The following NKAIN3 variants were observed in gnomAD, a reference collection of about 807,000 sequenced individuals.
The protein encoded by NKAIN3 is sodium/potassium transporting ATPase interacting 3.
In NKAIN3, 25 loss-of-function variants were observed where a neutral mutation model predicts 30.2. That is an observed-to-expected ratio of 0.83 (90% confidence interval 0.60 to 1.16). The LOEUF (loss-of-function observed/expected upper bound fraction) is 1.16, where lower values mean the gene tolerates loss of function less well. Among genes scored for constraint, NKAIN3 ranks in the 50% most tolerant of loss-of-function variants. The pLI, the probability that NKAIN3 is intolerant of heterozygous loss-of-function variation, is 0.00. For synonymous variants in NKAIN3, 91 were observed against 89.6 expected (o/e 1.02, Z -0.09); for missense variants, 225 against 254.1 (o/e 0.89, Z 0.78).
At chr8:62,298,480 G>A (rs1454159538) in intron 1 of NKAIN3, among the ~76,000 whole-genome samples, 3 of 152,042 alleles carry the variant, frequency 2.0e-5, no homozygotes, top group Non-Finnish European at 1.5e-5. Context: ...AAGATGGTAA[G>A]CCCCAGTCCA....
intron 3 of NKAIN3, among the ~76,000 whole-genome samples, chr8:62,592,347 T>A (rs1239480821): frequency 6.6e-6 from 1 of 152,070 alleles, no homozygotes; most frequent in African/African-American, 2.4e-5. Flanking sequence ...TTTAAAAAGA[T>A]CATTTTAATT....
At chr8:62,942,012 G>A (rs1485036414) in intron 5 of NKAIN3, among the ~76,000 whole-genome samples, 1 of 151,628 alleles carries the variant, frequency 6.6e-6, no homozygotes, top group Non-Finnish European at 1.5e-5. Flanking sequence ...ACCTAGAAAA[G>A]CCTACAGACT....
chr8:62,661,238 A>C (rs913250082), intron 3 of NKAIN3, among the ~76,000 whole-genome samples: 9 of 151,928 alleles, frequency 5.9e-5, no homozygotes, highest in Non-Finnish European at 1.3e-4. Flanking sequence ...TCCACCCTTC[A>C]CAATCGAGAG....
intron 4 of NKAIN3, among the ~76,000 whole-genome samples, chr8:62,817,641 C>T (rs531422669): frequency 6.6e-6 from 1 of 152,070 alleles, no homozygotes; most frequent in Non-Finnish European, 1.5e-5. Flanking sequence ...GTTCTATCCC[C>T]CCAGAACCTC....
intron 4 of NKAIN3, among the ~76,000 whole-genome samples, chr8:62,846,539 T>G (rs1293291184): frequency 6.6e-6 from 1 of 152,114 alleles, no homozygotes; most frequent in Non-Finnish European, 1.5e-5. Context: ...GACCATGTGT[T>G]CTCATCATTC....
intron 5 of NKAIN3, among the ~76,000 whole-genome samples, chr8:62,923,490 T>C (rs1822341150): frequency 6.6e-6 from 1 of 152,194 alleles, no homozygotes; most frequent in South Asian, 2.1e-4. Flanking sequence ...CACTTGCAAA[T>C]GTTTATGTGA....
At chr8:62,937,694 TG>T (rs931553649) in intron 5 of NKAIN3, among the ~76,000 whole-genome samples, 6 of 151,604 alleles carry the variant, frequency 4.0e-5, no homozygotes, top group African/African-American at 1.5e-4. Flanking sequence ...GAATCTGTAG[TG>T]GGGGGGCAAA....
At chr8:62,319,261 G>A (rs540414008) in intron 1 of NKAIN3, among the ~76,000 whole-genome samples, 59 of 151,984 alleles carry the variant, frequency 3.9e-4, no homozygotes, top group African/African-American at 9.7e-4. Flanking sequence ...TATCAATTTT[G>A]TTGATCTTTT....
At chr8:62,400,868 A>C (rs548371648) in intron 1 of NKAIN3, among the ~76,000 whole-genome samples, 1 of 152,208 alleles carries the variant, frequency 6.6e-6, no homozygotes, top group South Asian at 2.1e-4. Context: ...GGCCTTTGGC[A>C]GTTTCATTAT....
chr8:62,948,288 C>T (rs1181870121), intron 5 of NKAIN3, among the ~76,000 whole-genome samples: 1 of 151,960 alleles, frequency 6.6e-6, no homozygotes, highest in Non-Finnish European at 1.5e-5. Context: ...CAACCTCCTC[C>T]TCGAGGGTTC....
intron 4 of NKAIN3, among the ~76,000 whole-genome samples, chr8:62,766,708 T>C (rs1816850936): frequency 6.6e-6 from 1 of 152,062 alleles, no homozygotes. Context: ...TCCCTGGAGA[T>C]TTTCCCCTCA....
chr8:62,499,780 G>C (rs1275210419), intron 1 of NKAIN3, among the ~76,000 whole-genome samples: 1 of 151,970 alleles, frequency 6.6e-6, no homozygotes, highest in East Asian at 1.9e-4. Context: ...GATTAAAAAA[G>C]TACTGCAAAA....
intron 1 of NKAIN3, among the ~76,000 whole-genome samples, chr8:62,486,889 T>A (rs967605878): frequency 3.9e-5 from 6 of 152,128 alleles, no homozygotes; most frequent in Non-Finnish European, 8.8e-5. Flanking sequence ...TTGAAGCAGT[T>A]TGGGAAGTGT....
intron 3 of NKAIN3, among the ~76,000 whole-genome samples, chr8:62,732,136 A>G (rs911508014): frequency 2.6e-5 from 4 of 152,248 alleles, no homozygotes; most frequent in East Asian, 1.9e-4. Flanking sequence ...TTTTAAGAAT[A>G]TTGCACTTAT....
Position 62,611,299 on chromosome 8 carries a change from T to C in NKAIN3, c.273+21505T>C, listed in dbSNP as rs184534392. Reference sequence around the variant, plus strand: ...AGGTATCTATCTCCTTAAGCATTTATGCTTTGAGTTAAAAAAATCCAATTA... The same window carrying C: ...AGGTATCTATCTCCTTAAGCATTTACGCTTTGAGTTAAAAAAATCCAATTA... On this transcript the variant is annotated intron_variant, in intron 3 of 6. Coordinates refer to ENST00000623646, the MANE Select transcript of NKAIN3 (RefSeq NM_001304533.3). Among the ~76,000 whole-genome samples the C allele has an allele frequency of 9.1e-4, 138 of 152,268 alleles. 1 individual carries two copies. The highest frequency in any genetic ancestry group is 6.8e-3 in the Middle Eastern group (2 of 294).
chr8:62,426,009 TTTGA>T (rs1183130120), intron 1 of NKAIN3, among the ~76,000 whole-genome samples: 2 of 152,012 alleles, frequency 1.3e-5, no homozygotes, highest in African/African-American at 4.8e-5. Context: ...CTTTAATGGA[TTTGA>T]TTGATTGAAT....
At chr8:62,867,060 A>G (rs1382654844) in intron 4 of NKAIN3, among the ~76,000 whole-genome samples, 1 of 149,656 alleles carries the variant, frequency 6.7e-6, no homozygotes, top group Non-Finnish European at 1.5e-5. Context: ...GTCTTAAAAA[A>G]AAAAAAAAAT....
chr8:62,592,134 T>C (rs529562276), intron 3 of NKAIN3, among the ~76,000 whole-genome samples: 1 of 152,112 alleles, frequency 6.6e-6, no homozygotes, highest in Non-Finnish European at 1.5e-5. Flanking sequence ...CTCTGTGGAT[T>C]GGGGTGTTAT....
chr8:62,950,504 G>A (rs552678374), intron 5 of NKAIN3, among the ~76,000 whole-genome samples: 1,608 of 152,104 alleles, frequency 0.011, 7 homozygotes, highest in Non-Finnish European at 0.015. Flanking sequence ...GTCTTGTCTA[G>A]TTCTAGAATC....
Sources: gnomAD v4.1 joint callset for allele counts (sites outside exome capture counted in the v4.1 genomes callset) on GRCh38, gnomAD v4.1.1 for gene constraint, MANE v1.5 for transcripts, NCBI Gene and HGNC (gene_info 2026-07-23, HGNC 2026-07-21) for gene names.